FALEC: variants seen among roughly 807,000 people sequenced by gnomAD.
FALEC encodes the protein focally amplified lncRNA regulator of ECM1.
At chr1:150,522,827 A>G (rs1670661060), downstream of FALEC, among the ~76,000 whole-genome samples, 1 of 121,160 alleles carries the variant, frequency 8.3e-6, no homozygotes. Context: ...ATACTGGATT[A>G]ATGAACTCTC....
chr1:150,518,884 A>G (rs1560269610), downstream of FALEC, among the ~76,000 whole-genome samples: 1 of 151,418 alleles, frequency 6.6e-6, no homozygotes, highest in Admixed American at 6.6e-5. Context: ...TGGTGAAACC[A>G]CGTCTCTACC....
exon 1 of FALEC, chr1:150,515,984 T>C: frequency 6.6e-6 from 1 of 152,142 alleles, no homozygotes; most frequent in Non-Finnish European, 1.5e-5. Context: ...CGGTGGCTCA[T>C]GCCTGGAATC....
At chr1:150,525,034 C>G in the FALEC span, among the ~76,000 whole-genome samples, 1 of 150,216 alleles carries the variant, frequency 6.7e-6, no homozygotes, top group East Asian at 2.0e-4. Flanking sequence ...CAGTGGCTCA[C>G]GCCTGTAATT....
At chr1:150,524,095 A>G in the FALEC span, among the ~76,000 whole-genome samples, 3 of 152,206 alleles carry the variant, frequency 2.0e-5, no homozygotes, top group Admixed American at 6.5e-5. Context: ...CTCTGGAACT[A>G]TAAGAGAATA....
chr1:150,530,585 C>G, the FALEC span, among the ~76,000 whole-genome samples: 5 of 152,158 alleles, frequency 3.3e-5, no homozygotes, highest in Admixed American at 3.3e-4. Context: ...TCAGGCTCCT[C>G]ATCTTGATAA....
chr1:150,529,016 CAAAAAAA>C, the FALEC span, among the ~76,000 whole-genome samples: 191 of 59,286 alleles, frequency 3.2e-3, 1 homozygote, highest in Admixed American at 0.014. Context: ...AAATAAATAG[CAAAAAAA>C]AAAAAAAAAA....
At chr1:150,518,256 T>C (rs116378367), downstream of FALEC, among the ~76,000 whole-genome samples, 419 of 152,300 alleles carry the variant, frequency 2.8e-3, 1 homozygote, top group Admixed American at 6.7e-3. Context: ...ATGTGCCCTA[T>C]TTCAATAAAT....
At chr1:150,529,658 C>T in the FALEC span, among the ~76,000 whole-genome samples, 14 of 151,036 alleles carry the variant, frequency 9.3e-5, no homozygotes, top group East Asian at 1.9e-4. Context: ...AGTGCAGTGG[C>T]GCCATCTCGG....
At chr1:150,524,859 G>A in the FALEC span, among the ~76,000 whole-genome samples, 1 of 152,092 alleles carries the variant, frequency 6.6e-6, no homozygotes, top group Non-Finnish European at 1.5e-5. Flanking sequence ...GAGTGGTGTG[G>A]TGGTACTTGC....
At chr1:150,519,311 C>T (rs1241651068), downstream of FALEC, among the ~76,000 whole-genome samples, 2 of 152,152 alleles carry the variant, frequency 1.3e-5, no homozygotes, top group African/African-American at 4.8e-5. Context: ...TAAAAGCAGT[C>T]ATTTTGGATT....
downstream of FALEC, among the ~76,000 whole-genome samples, chr1:150,521,716 T>A (rs1439165263): frequency 6.6e-6 from 1 of 152,202 alleles, no homozygotes; most frequent in East Asian, 1.9e-4. Context: ...CTGCAGGCCA[T>A]GTTTGTCATA....
At chr1:150,536,657 G>A in the FALEC span, among the ~76,000 whole-genome samples, 1 of 152,170 alleles carries the variant, frequency 6.6e-6, no homozygotes, top group African/African-American at 2.4e-5. Flanking sequence ...GGACATGGTG[G>A]CAGGACCTGT....
chr1:150,520,121 C>G (rs587620285), downstream of FALEC, among the ~76,000 whole-genome samples: 130 of 152,180 alleles, frequency 8.5e-4, no homozygotes, highest in Admixed American at 1.6e-3. Context: ...TGCATTCCAG[C>G]CTGGGCAACA....
chr1:150,518,130 T>C (rs927934884), downstream of FALEC: 1 of 152,208 alleles, frequency 6.6e-6, no homozygotes, highest in African/African-American at 2.4e-5. Context: ...GGTAGGTATA[T>C]GGTTGTTTAC....
the FALEC span, among the ~76,000 whole-genome samples, chr1:150,536,058 C>T: frequency 6.6e-6 from 1 of 152,176 alleles, no homozygotes; most frequent in Admixed American, 6.6e-5. Flanking sequence ...AGGACGCAGC[C>T]TATCTGTGGT....
chr1:150,526,504 G>T, the FALEC span, among the ~76,000 whole-genome samples: 1 of 150,510 alleles, frequency 6.6e-6, no homozygotes, highest in Non-Finnish European at 1.5e-5. Context: ...CGGCGAGTAT[G>T]TCGCTGTTAT....
At chr1:150,526,202 C>T in the FALEC span, among the ~76,000 whole-genome samples, 91,978 of 151,618 alleles carry the variant, frequency 0.61, 28,415 homozygotes, top group African/African-American at 0.67. Flanking sequence ...TATAAAAAAT[C>T]AGCTGGGCGC....
At chr1:150,531,447 C>G in the FALEC span, among the ~76,000 whole-genome samples, 8 of 152,040 alleles carry the variant, frequency 5.3e-5, no homozygotes, top group Non-Finnish European at 8.8e-5. Context: ...TGCACTCCAG[C>G]CTGGGCAACA....
At chr1:150,529,770 T>C in the FALEC span, among the ~76,000 whole-genome samples, 3 of 152,154 alleles carry the variant, frequency 2.0e-5, no homozygotes, top group Non-Finnish European at 4.4e-5. Flanking sequence ...GCTAATTTTT[T>C]GTATTTTTAG....
Sources: allele counts gnomAD v4.1 joint callset (sites outside exome capture counted in the v4.1 genomes callset), GRCh38; gene constraint gnomAD v4.1.1; transcripts MANE v1.5; gene names NCBI Gene and HGNC (gene_info 2026-07-23, HGNC 2026-07-21).